IQCH: variants seen among roughly 807,000 people sequenced by gnomAD.
The protein encoded by IQCH is IQ domain-containing protein H.
Under a neutral mutation model 117.0 loss-of-function variants are expected in IQCH, and 98 were observed. The ratio of observed to expected loss-of-function variants is 0.84; its 90% confidence interval spans 0.71 to 0.99. The LOEUF (loss-of-function observed/expected upper bound fraction) is 0.99, where lower values mean the gene tolerates loss of function less well. Among genes scored for constraint, IQCH ranks in the 50% least tolerant of loss-of-function variants. IQCH has a pLI of 0.00. For synonymous variants in IQCH, 412 were observed against 448.2 expected, an observed-to-expected ratio of 0.92 and a Z score of 1.02; for missense variants, 1,102 against 1,243.8, an observed-to-expected ratio of 0.89 and a Z score of 1.72.
In IQCH at chr15:67,384,262, C is replaced by T. The variant is rs1197322960; in HGVS notation, c.1373-674C>T. 6.6e-6 allele frequency among the ~76,000 whole-genome samples: 1 copy of T among 151,692 alleles called. No individual in the cohort carries two copies. Reference sequence around the variant, plus strand: ...CTGAAATATCAGCAGAAAGTATTTCCGCTGTTGTTTCTTTTGTGAGAGATT... The same window carrying T: ...CTGAAATATCAGCAGAAAGTATTTCTGCTGTTGTTTCTTTTGTGAGAGATT... On this transcript the variant is annotated intron_variant, in intron 10 of 20. Transcript: ENST00000335894. The surrounding 1 kb of genome is among the most constrained non-coding windows in gnomAD (Gnocchi z 4.3).
chr15:67,409,079 T>A (rs1265815641), intron 14 of IQCH, among the ~76,000 whole-genome samples: 2 of 152,180 alleles, frequency 1.3e-5, no homozygotes, highest in Non-Finnish European at 2.9e-5. Context: ...CCTGGATTAT[T>A]TATCTTTAAT....
chr15:67,344,247 C>T (rs1969291762), intron 6 of IQCH, 56 bp downstream of exon 6: 1 of 1,557,580 alleles, frequency 6.4e-7, no homozygotes, highest in African/African-American at 1.4e-5. Flanking sequence ...TATCTCTGCC[C>T]CAGATCTAGC....
chr15:67,450,966 C>T (rs1253816792), intron 16 of IQCH, among the ~76,000 whole-genome samples: 1 of 152,136 alleles, frequency 6.6e-6, no homozygotes, highest in Non-Finnish European at 1.5e-5. Context: ...ATGTATGTGT[C>T]GAGGAATTTG....
At chr15:67,343,099 A>G (rs1455122693) in intron 5 of IQCH, among the ~76,000 whole-genome samples, 3 of 152,208 alleles carry the variant, frequency 2.0e-5, no homozygotes, top group African/African-American at 7.2e-5. Context: ...CATTCTTAAT[A>G]GTAATATAGT....
intron 4 of IQCH, among the ~76,000 whole-genome samples, chr15:67,313,975 T>C (rs1383221403): frequency 6.6e-6 from 1 of 152,058 alleles, no homozygotes; most frequent in Non-Finnish European, 1.5e-5. Context: ...CTAAGTAGAG[T>C]TCTGCAGGCA....
chr15:67,263,409 G>A (rs1192984964), intron 3 of IQCH, among the ~76,000 whole-genome samples, 193 bp downstream of exon 3: 1 of 151,786 alleles, frequency 6.6e-6, no homozygotes, highest in Non-Finnish European at 1.5e-5. Context: ...TCAGGTGAGG[G>A]ATACATTAAA....
At chr15:67,448,751 G>T (rs546268777) in intron 16 of IQCH, among the ~76,000 whole-genome samples, 1 of 152,258 alleles carries the variant, frequency 6.6e-6, no homozygotes, top group Admixed American at 6.5e-5. Context: ...CCAATAATGG[G>T]ATGGCTGGGT....
intron 3 of IQCH, among the ~76,000 whole-genome samples, chr15:67,266,980 A>T (rs1965702782): frequency 6.6e-6 from 1 of 152,246 alleles, no homozygotes; most frequent in Non-Finnish European, 1.5e-5. Flanking sequence ...ACTTGAAATT[A>T]AATGACACAA....
intron 4 of IQCH, among the ~76,000 whole-genome samples, chr15:67,319,490 C>A (rs1380965388): frequency 1.3e-5 from 2 of 152,110 alleles, no homozygotes; most frequent in African/African-American, 4.8e-5. Context: ...AGTCTGTTTC[C>A]TTTGGTTTCC....
At chr15:67,428,607 T>C (rs1377912225) in intron 16 of IQCH, among the ~76,000 whole-genome samples, 1 of 151,996 alleles carries the variant, frequency 6.6e-6, no homozygotes, top group Non-Finnish European at 1.5e-5. Flanking sequence ...TCCCAACACT[T>C]TGGGAGACCG....
In IQCH at chr15:67,422,874, T is replaced by G. The variant is rs1452475039; in HGVS notation, c.2505+1297T>G. Among the ~76,000 whole-genome samples the G allele has an allele frequency of 6.6e-6, 1 of 152,222 alleles. No homozygotes were observed. The highest frequency in any genetic ancestry group is 2.4e-5 in the African/African-American group (1 of 41,466). ...AGTGCTGCATGTCCAGACCTCTGTC[T>G]AAAGGGCGAAATGACCTCCTGGCCT... On this transcript the variant is annotated intron_variant, in intron 16 of 20. Transcript: ENST00000335894. This position sits in a 1 kb window ranked among gnomAD's most constrained non-coding sequence, Gnocchi z 4.7.
chr15:67,324,418 T>C (rs1193818389), intron 4 of IQCH, among the ~76,000 whole-genome samples: 1 of 151,666 alleles, frequency 6.6e-6, no homozygotes, highest in Non-Finnish European at 1.5e-5. Flanking sequence ...GAGACCAACC[T>C]GGCCAACATG....
Position 67,500,911 on chromosome 15 carries a change from A to G in IQCH, c.*165A>G. On this transcript the variant is annotated 3_prime_UTR_variant, in exon 21 of 21. Coordinates refer to ENST00000335894, the MANE Select transcript of IQCH (RefSeq NM_001031715.3). The surrounding 1 kb of genome is among the most constrained non-coding windows in gnomAD (Gnocchi z 4.4). ...TGCTCTTTTTAAAACATTGTTTATTAAGTGATCTTATTTTATTTATTAAAC... is the reference window on the plus strand; with the variant it reads ...TGCTCTTTTTAAAACATTGTTTATTGAGTGATCTTATTTTATTTATTAAAC... The G allele has an allele frequency of 4.9e-6, 2 of 411,012 alleles. No individual in the cohort carries two copies. Among genetic ancestry groups the G allele is most frequent in the East Asian group, 3.7e-5 (1 of 26,744 alleles). 25.5% of individuals were successfully genotyped at this position (411,012 alleles called of 1,614,324 possible).
At chr15:67,336,941 A>C in intron 4 of IQCH, 34 bp from the exon 5 acceptor site, 1 of 1,610,016 alleles carries the variant, frequency 6.2e-7, no homozygotes, top group Non-Finnish European at 8.5e-7. Flanking sequence ...GTGAAGGCAA[A>C]AATGTTTGCT....
At chr15:67,308,191 C>G (rs1967399834) in intron 4 of IQCH, among the ~76,000 whole-genome samples, 1 of 152,180 alleles carries the variant, frequency 6.6e-6, no homozygotes, top group South Asian at 2.1e-4. Context: ...GCAATTATCT[C>G]TTTTACTTCC....
rs991237662 is a variant in IQCH at position 67,491,262 on chromosome 15, A to G, written c.2861+1198A>G. 3.3e-5 allele frequency among the ~76,000 whole-genome samples: 5 copies of G among 152,008 alleles called. No homozygotes were observed. Among genetic ancestry groups the G allele is most frequent in the African/African-American group, 1.2e-4 (5 of 41,380 alleles). On this transcript the variant is annotated intron_variant, in intron 19 of 20. Coordinates refer to ENST00000335894, the MANE Select transcript of IQCH (RefSeq NM_001031715.3). The surrounding 1 kb of genome is among the most constrained non-coding windows in gnomAD (Gnocchi z 4.9). ...AAACTGATCCAAAGAGGTGCACACT[A>G]CAAGCAAATGGCTGCATAGGACAGG... is the stretch of plus-strand genomic sequence containing the variant.
chr15:67,258,678 A>C (rs181143875), intron 1 of IQCH, among the ~76,000 whole-genome samples: 1 of 152,354 alleles, frequency 6.6e-6, no homozygotes, highest in East Asian at 1.9e-4. Flanking sequence ...GTCTAGAGCA[A>C]ATCTTTGCTG....
At chr15:67,325,172 C>A (rs1968349296) in intron 4 of IQCH, among the ~76,000 whole-genome samples, 1 of 152,056 alleles carries the variant, frequency 6.6e-6, no homozygotes, top group Non-Finnish European at 1.5e-5. Context: ...ACCCTTTCTT[C>A]TGCCTACTCA....
chr15:67,383,852 T>C (rs945005913), intron 10 of IQCH, among the ~76,000 whole-genome samples: 1 of 152,218 alleles, frequency 6.6e-6, no homozygotes, highest in African/African-American at 2.4e-5. Flanking sequence ...TTTTAGATGA[T>C]TGTAAAGTCA....
Sources: gnomAD v4.1 joint callset for allele counts (sites outside exome capture counted in the v4.1 genomes callset) on GRCh38, gnomAD v4.1.1 for gene constraint, Gnocchi (gnomAD v3.1) non-coding constraint, MANE v1.5 for transcripts, NCBI Gene and HGNC (gene_info 2026-07-23, HGNC 2026-07-21) for gene names.